MAEA: variants seen among roughly 807,000 people sequenced by gnomAD.
MAEA encodes the protein E3 ubiquitin-protein transferase MAEA.
In MAEA, 22 loss-of-function variants were observed where a neutral mutation model predicts 46.2. The observed-to-expected ratio is 0.48, with a 90% CI of 0.34 to 0.68. The LOEUF (loss-of-function observed/expected upper bound fraction) is 0.68, where lower values mean the gene tolerates loss of function less well. Ranked by LOEUF, MAEA falls within the 30% of genes least tolerant of loss-of-function variation. MAEA has a pLI of 0.01. For missense variants in MAEA, 393 were observed against 558.1 expected (o/e 0.70, Z 2.98); for synonymous variants, 246 against 222.6 (o/e 1.11, Z -0.94).
Position 1,311,904 on chromosome 4 carries a change from G to A in MAEA, c.70-75G>A, listed in dbSNP as rs1433780832. The A allele has an allele frequency of 1.0e-5, 14 of 1,351,620 alleles. No homozygotes were observed. The East Asian group carries it at 3.2e-4, about 31-fold the overall frequency. The allele number at this position is 1,351,620 out of a possible 1,614,324, so 83.7% of individuals were successfully genotyped here. On this transcript the variant is annotated intron_variant, in intron 1 of 8. Transcript: ENST00000303400. The surrounding 1 kb of genome is among the most constrained non-coding windows in gnomAD (Gnocchi z 4.4). ...CTCTACAAGTGCCATGAGGAGACCT[G>A]GTGTGTCCTGGGTGTGGGGCTGGTG... is the stretch of plus-strand genomic sequence containing the variant.
intron 3 of MAEA, among the ~76,000 whole-genome samples, chr4:1,320,263 ACT>A (rs1342962774): frequency 2.7e-5 from 4 of 150,630 alleles, no homozygotes; most frequent in Admixed American, 6.6e-5. Flanking sequence ...GTGCAAGAAA[ACT>A]CTATGACGGG....
intron 1 of MAEA, among the ~76,000 whole-genome samples, chr4:1,307,826 C>A (rs968771137): frequency 3.3e-5 from 5 of 152,176 alleles, no homozygotes; most frequent in African/African-American, 1.2e-4. Context: ...CTTTCTTGTT[C>A]TGTCTGGGCC....
chr4:1,337,562 C>T (rs28477912), intron 7 of MAEA: 25,388 of 176,182 alleles, frequency 0.14, 2,174 homozygotes, highest in African/African-American at 0.23. Context: ...GAGTCTGTCC[C>T]GTTTGTGACT....
Position 1,325,374 on chromosome 4 carries a change from G to A in MAEA, c.580-2253G>A, listed in dbSNP as rs188249384. ...GCAGGGCGGGCACAGCCTTGTTGGC[G>A]CTCCACGCCGTATGGGACAGTGTAG... On this transcript the variant is annotated intron_variant, in intron 4 of 8. Coordinates refer to ENST00000303400, the MANE Select transcript of MAEA (RefSeq NM_001017405.3). Among the ~76,000 whole-genome samples, 110 of 152,376 alleles carry A rather than the reference G, an allele frequency of 7.2e-4. 1 individual carries two copies. The highest frequency in any genetic ancestry group is 3.4e-3 in the Middle Eastern group (1 of 294).
intron 1 of MAEA, among the ~76,000 whole-genome samples, chr4:1,299,344 C>T (rs553422862): frequency 2.6e-5 from 4 of 152,202 alleles, no homozygotes; most frequent in Admixed American, 6.5e-5. Context: ...ATGCCCAGCC[C>T]GTCTGCCCCT....
At chr4:1,300,593 G>A (rs1735218872) in intron 1 of MAEA, among the ~76,000 whole-genome samples, 1 of 152,266 alleles carries the variant, frequency 6.6e-6, no homozygotes, top group African/African-American at 2.4e-5. Flanking sequence ...CCGTGCTGCC[G>A]GCTTCCGAGG....
chr4:1,325,581 A>G (rs1477656116), intron 4 of MAEA, among the ~76,000 whole-genome samples: 1 of 152,070 alleles, frequency 6.6e-6, no homozygotes, highest in Non-Finnish European at 1.5e-5. Context: ...CTTCTAGAGC[A>G]CCCCCTCGGC....
At chr4:1,291,068 A>T (rs1016935222) in intron 1 of MAEA, among the ~76,000 whole-genome samples, 1 of 152,192 alleles carries the variant, frequency 6.6e-6, no homozygotes, top group African/African-American at 2.4e-5. Context: ...TCCCTGCTAC[A>T]GTTAGCGCTG....
chr4:1,299,443 A>G (rs1318508844), intron 1 of MAEA: 1 of 152,770 alleles, frequency 6.5e-6, no homozygotes, highest in Non-Finnish European at 1.5e-5. Context: ...TCTCTCTGGA[A>G]TATTGAATAG....
chr4:1,329,131 C>G (rs1046686643), intron 5 of MAEA: 1 of 985,526 alleles, frequency 1.0e-6, no homozygotes, highest in Admixed American at 6.1e-5. Flanking sequence ...GTGTCCATCC[C>G]GGAGTCCCTC....
intron 7 of MAEA, 48 bp from the exon 8 acceptor site, chr4:1,338,374 C>T: frequency 1.3e-6 from 2 of 1,523,124 alleles, no homozygotes; most frequent in Non-Finnish European, 9.0e-7. Context: ...CTGGGCTCAC[C>T]CCGGCTGCCC....
intron 5 of MAEA, chr4:1,329,348 T>G: frequency 3.0e-6 from 3 of 985,622 alleles, no homozygotes; most frequent in Non-Finnish European, 3.6e-6. Context: ...TTCCCCCTGC[T>G]CTGGGTAGAA....
intron 5 of MAEA, chr4:1,330,589 A>G (rs1711636626): frequency 3.3e-5 from 5 of 152,018 alleles, no homozygotes; most frequent in Admixed American, 6.6e-5. Flanking sequence ...TGCTGGGATT[A>G]CAGGCGTGAG....
At chr4:1,294,772 G>A (rs1206589380) in intron 1 of MAEA, among the ~76,000 whole-genome samples, 1 of 132,792 alleles carries the variant, frequency 7.5e-6, no homozygotes, top group African/African-American at 3.2e-5. Flanking sequence ...TGAGGTTGAG[G>A]TGATGTTGGA....
intron 1 of MAEA, among the ~76,000 whole-genome samples, chr4:1,309,278 CTTTAGCAT>C: frequency 6.6e-6 from 1 of 152,182 alleles, no homozygotes; most frequent in South Asian, 2.1e-4. Flanking sequence ...GAGTTAGAGT[CTTTAGCAT>C]TTCTGAAATT....
chr4:1,334,954 T>C, intron 6 of MAEA: 1 of 985,408 alleles, frequency 1.0e-6, no homozygotes, highest in Non-Finnish European at 1.2e-6. Context: ...GTGTTTACCC[T>C]AAACTGAGAC....
intron 1 of MAEA, among the ~76,000 whole-genome samples, chr4:1,304,917 C>T (rs1322954810): frequency 6.6e-6 from 1 of 152,176 alleles, no homozygotes; most frequent in African/African-American, 2.4e-5. Context: ...ATGTGTCTCA[C>T]GCTATACTCT....
At chr4:1,299,417 C>T (rs1316487) in intron 1 of MAEA, 23,471 of 152,898 alleles carry the variant, frequency 0.15, 3,477 homozygotes, top group East Asian at 0.42. Context: ...TCTGCCCCTG[C>T]GGCTCAAGTC....
intron 3 of MAEA, among the ~76,000 whole-genome samples, chr4:1,316,318 G>A (rs1200965494): frequency 1.6e-5 from 2 of 126,364 alleles, no homozygotes; most frequent in African/African-American, 6.4e-5. Context: ...TCGGGCAGTT[G>A]TCCACTGCTG....
Sources: allele counts gnomAD v4.1 joint callset (sites outside exome capture counted in the v4.1 genomes callset), GRCh38; gene constraint gnomAD v4.1.1; non-coding constraint Gnocchi (gnomAD v3.1); transcripts MANE v1.5; gene names NCBI Gene and HGNC (gene_info 2026-07-23, HGNC 2026-07-21).